The following RTL4 variants were observed in gnomAD, a reference collection of about 807,000 sequenced individuals.
The protein encoded by RTL4 is retrotransposon Gag-like protein 4.
RTL4 carries 4 observed loss-of-function variants against 5.3 expected under a neutral mutation model. The ratio of observed to expected loss-of-function variants is 0.75; its 90% confidence interval spans 0.37 to 1.72. The LOEUF (loss-of-function observed/expected upper bound fraction) is 1.72. Ranked by LOEUF, RTL4 falls within the 40% of genes most tolerant of loss-of-function variation. The pLI is 0.04. For missense variants in RTL4, 260 were observed against 227.1 expected, an observed-to-expected ratio of 1.14 and a Z score of -0.93; for synonymous variants, 98 against 87.3, an observed-to-expected ratio of 1.12 and a Z score of -0.68.
At chrX:112,085,338 G>A in the RTL4 span, among the ~76,000 whole-genome samples, 2 of 112,459 alleles carry the variant, frequency 1.8e-5, no homozygotes, top group Non-Finnish European at 3.8e-5. Flanking sequence ...CAAATACCAT[G>A]ACAGGTATGA....
chrX:112,087,976 C>T, the RTL4 span, among the ~76,000 whole-genome samples: 2 of 110,055 alleles, frequency 1.8e-5, no homozygotes, highest in Admixed American at 1.9e-4. Flanking sequence ...CAACCTTCAC[C>T]TCTATCTAGT....
chrX:112,126,302 G>A, the RTL4 span, among the ~76,000 whole-genome samples: 15 of 112,274 alleles, frequency 1.3e-4, no homozygotes, highest in South Asian at 5.5e-3. Flanking sequence ...TACCTTAAAG[G>A]TACCTAAGTG....
At chrX:112,189,429 G>A in the RTL4 span, among the ~76,000 whole-genome samples, 5 of 111,752 alleles carry the variant, frequency 4.5e-5, no homozygotes, top group Non-Finnish European at 7.5e-5. Context: ...CATACATATT[G>A]TTGCAAGCAT....
the RTL4 span, among the ~76,000 whole-genome samples, chrX:112,388,935 T>C: frequency 4.9e-3 from 547 of 111,821 alleles, 5 homozygotes; most frequent in African/African-American, 0.016. Context: ...GTAGAATGAG[T>C]TGGGGAGGAG....
the RTL4 span, among the ~76,000 whole-genome samples, chrX:112,120,271 TG>T: frequency 4.5e-5 from 5 of 111,747 alleles, no homozygotes; most frequent in African/African-American, 1.6e-4. Flanking sequence ...CTTAAGGTTT[TG>T]TTTGTTTGTT....
chrX:112,161,757 C>T, the RTL4 span, among the ~76,000 whole-genome samples: 1 of 110,342 alleles, frequency 9.1e-6, no homozygotes, highest in Non-Finnish European at 1.9e-5. Context: ...AAATCGCACT[C>T]TATTAGGCCT....
the RTL4 span, among the ~76,000 whole-genome samples, chrX:112,217,172 A>G: frequency 9.0e-6 from 1 of 111,676 alleles, no homozygotes; most frequent in Non-Finnish European, 1.9e-5. Context: ...ATGTGAGCAG[A>G]AATGCCACAA....
the RTL4 span, among the ~76,000 whole-genome samples, chrX:112,236,466 T>C: frequency 1.2e-5 from 1 of 81,057 alleles, no homozygotes; most frequent in South Asian, 6.5e-4. Flanking sequence ...TAGATCTATA[T>C]CTATATATAG....
the RTL4 span, among the ~76,000 whole-genome samples, chrX:112,373,807 A>G: frequency 7.2e-5 from 8 of 110,524 alleles, no homozygotes; most frequent in African/African-American, 2.0e-4. Flanking sequence ...CTTCAGGCCA[A>G]CAATGGTCTA....
chrX:112,269,115 G>A, the RTL4 span, among the ~76,000 whole-genome samples: 1 of 112,175 alleles, frequency 8.9e-6, no homozygotes, highest in Non-Finnish European at 1.9e-5. Flanking sequence ...AAATAGCTAT[G>A]AAAGTTGTGG....
the RTL4 span, among the ~76,000 whole-genome samples, chrX:112,259,592 G>A: frequency 9.1e-6 from 1 of 110,371 alleles, no homozygotes; most frequent in Non-Finnish European, 1.9e-5. Flanking sequence ...ACAGTGCCTG[G>A]CACATAATAA....
chrX:112,349,400 A>C, the RTL4 span, among the ~76,000 whole-genome samples: 1 of 111,536 alleles, frequency 9.0e-6, no homozygotes, highest in Admixed American at 9.5e-5. Context: ...CTAATCAAGA[A>C]GAGGTTTTGG....
the RTL4 span, among the ~76,000 whole-genome samples, chrX:112,089,546 T>C: frequency 1.8e-5 from 2 of 111,348 alleles, no homozygotes; most frequent in Admixed American, 1.9e-4. Flanking sequence ...AAAAAATCAA[T>C]TGGCCATAGA....
chrX:112,370,616 T>C, the RTL4 span, among the ~76,000 whole-genome samples: 3 of 111,460 alleles, frequency 2.7e-5, no homozygotes, highest in Non-Finnish European at 5.7e-5. Context: ...GGCACCATTG[T>C]CCCTGAATTT....
chrX:112,274,306 T>G, the RTL4 span, among the ~76,000 whole-genome samples: 4 of 111,582 alleles, frequency 3.6e-5, no homozygotes, highest in Non-Finnish European at 7.5e-5. Context: ...GGAGGGAAAT[T>G]TCAGGGGAGG....
the RTL4 span, among the ~76,000 whole-genome samples, chrX:112,290,480 G>A: frequency 8.9e-6 from 1 of 112,214 alleles, no homozygotes; most frequent in Middle Eastern, 4.6e-3. Context: ...GGAGTCATGG[G>A]ACAAGCTGTT....
chrX:112,333,715 C>G, the RTL4 span, among the ~76,000 whole-genome samples: 2 of 111,206 alleles, frequency 1.8e-5, no homozygotes, highest in East Asian at 2.8e-4. Context: ...TGAAATGTTT[C>G]TATACAAGCA....
chrX:112,332,673 G>T, the RTL4 span, among the ~76,000 whole-genome samples: 1 of 87,507 alleles, frequency 1.1e-5, no homozygotes, highest in Admixed American at 1.4e-4. Flanking sequence ...ACACATTGGG[G>T]CCTGTTGTGG....
chrX:112,432,453 G>C, the RTL4 span, among the ~76,000 whole-genome samples: 80 of 99,929 alleles, frequency 8.0e-4, no homozygotes, highest in Non-Finnish European at 1.0e-3. Flanking sequence ...TCTCATTGTG[G>C]TTTTGATTTG....
Sources: allele counts gnomAD v4.1 joint callset (sites outside exome capture counted in the v4.1 genomes callset), GRCh38; gene constraint gnomAD v4.1.1; transcripts MANE v1.5; gene names NCBI Gene and HGNC (gene_info 2026-07-23, HGNC 2026-07-21).